Variants in TTPA observed in about 807,000 individuals in gnomAD.
TTPA encodes alpha tocopherol transfer protein.
In TTPA, 23 loss-of-function variants were observed where a neutral mutation model predicts 25.9. That is an observed-to-expected ratio of 0.89 (90% CI 0.64 to 1.26). The LOEUF is 1.26. TTPA is among the 50% of genes most tolerant of loss of function. The pLI is 0.00. For missense variants in TTPA, 337 were observed against 353.1 expected (o/e 0.95, Z 0.37); for synonymous variants, 148 against 137.3 (o/e 1.08, Z -0.54).
intron 1 of TTPA, among the ~76,000 whole-genome samples, chr8:63,077,388 G>C (rs545942914): frequency 6.6e-6 from 1 of 152,336 alleles, no homozygotes; most frequent in South Asian, 2.1e-4. Context: ...AAAGGGTTGG[G>C]GGATTTCCCT....
intron 2 of TTPA, among the ~76,000 whole-genome samples, chr8:63,069,628 C>G (rs370666205): frequency 6.6e-6 from 1 of 151,538 alleles, no homozygotes. Flanking sequence ...CCAGCTACTC[C>G]AAAAGCCGAA....
chr8:63,083,667 C>T (rs1239947493), intron 1 of TTPA, among the ~76,000 whole-genome samples: 1 of 151,074 alleles, frequency 6.6e-6, no homozygotes, highest in Non-Finnish European at 1.5e-5. Context: ...CAAAAACAGG[C>T]CATTTTCAGT....
At chr8:63,070,772 C>T (rs528682137) in intron 2 of TTPA, among the ~76,000 whole-genome samples, 1 of 152,278 alleles carries the variant, frequency 6.6e-6, no homozygotes, top group African/African-American at 2.4e-5. Context: ...TATGAACAAA[C>T]TAGACACAAT....
chr8:63,066,161 G>A, intron 2 of TTPA, 64 bp from the exon 3 acceptor site: 6 of 1,434,720 alleles, frequency 4.2e-6, no homozygotes, highest in Non-Finnish European at 5.8e-6. Flanking sequence ...TTTCCAAAGG[G>A]AGACTAATTC....
chr8:63,063,835 GTTTTCAGTC>G (rs1805345527), intron 4 of TTPA, among the ~76,000 whole-genome samples: 1 of 151,856 alleles, frequency 6.6e-6, no homozygotes, highest in East Asian at 1.9e-4. Flanking sequence ...ACACTTCCTG[GTTTTCAGTC>G]TTCTGCTGCT....
At chr8:63,063,075 T>C (rs1805334108) in intron 4 of TTPA, among the ~76,000 whole-genome samples, 1 of 152,230 alleles carries the variant, frequency 6.6e-6, no homozygotes, top group Non-Finnish European at 1.5e-5. Context: ...TATATTTTCT[T>C]AATATGAAAG....
At chr8:63,082,946 C>T (rs1049884737) in intron 1 of TTPA, among the ~76,000 whole-genome samples, 1 of 152,204 alleles carries the variant, frequency 6.6e-6, no homozygotes, top group South Asian at 2.1e-4. Context: ...GATACTATCT[C>T]ACGCCAGTTA....
downstream of TTPA, among the ~76,000 whole-genome samples, chr8:63,059,027 T>TG (rs1406911935): frequency 1.6e-3 from 157 of 100,010 alleles, 1 homozygote; most frequent in African/African-American, 5.6e-3. Context: ...CCAGTTTTTT[T>TG]TTTTTTTTTT....
intron 1 of TTPA, 40 bp from the exon 2 acceptor site, chr8:63,073,128 T>A: frequency 6.6e-7 from 1 of 1,508,280 alleles, no homozygotes; most frequent in Non-Finnish European, 9.1e-7. Context: ...ATGGCATACA[T>A]GGTAATGATT....
intron 3 of TTPA, 69 bp downstream of exon 3, chr8:63,065,835 C>A: frequency 9.2e-6 from 14 of 1,524,664 alleles, no homozygotes; most frequent in Non-Finnish European, 1.2e-5. Context: ...TTCTCTTTGT[C>A]TAACATATAA....
At chr8:63,064,614 G>A (rs191377107) in intron 3 of TTPA, among the ~76,000 whole-genome samples, 55 of 151,994 alleles carry the variant, frequency 3.6e-4, no homozygotes, top group East Asian at 2.3e-3. Flanking sequence ...TTCTTTTAAC[G>A]AACCAATGAG....
At chr8:63,079,421 C>G (rs1424802659) in intron 1 of TTPA, among the ~76,000 whole-genome samples, 1 of 151,704 alleles carries the variant, frequency 6.6e-6, no homozygotes, top group Non-Finnish European at 1.5e-5. Flanking sequence ...CATCAGATGT[C>G]TATAGCACAT....
chr8:63,075,145 C>T (rs975542892), intron 1 of TTPA, among the ~76,000 whole-genome samples: 2 of 152,120 alleles, frequency 1.3e-5, no homozygotes, highest in Admixed American at 6.5e-5. Flanking sequence ...AACAAACCAC[C>T]CTATGTCCAC....
chr8:63,061,657 A>C (rs1208743484), intron 4 of TTPA, among the ~76,000 whole-genome samples: 1 of 152,204 alleles, frequency 6.6e-6, no homozygotes, highest in African/African-American at 2.4e-5. Context: ...TAACTGCATA[A>C]AATTTATAAA....
intron 2 of TTPA, among the ~76,000 whole-genome samples, chr8:63,069,309 CAT>C (rs1474474488): frequency 3.9e-4 from 58 of 147,486 alleles, no homozygotes; most frequent in Non-Finnish European, 4.0e-4. Flanking sequence ...AAAAAAAGAA[CAT>C]ATGAAGTTTG....
intron 2 of TTPA, among the ~76,000 whole-genome samples, chr8:63,069,613 T>C (rs1805451191): frequency 6.6e-6 from 1 of 152,032 alleles, no homozygotes; most frequent in Non-Finnish European, 1.5e-5. Flanking sequence ...CACATGCCTC[T>C]AGTCCCAGCT....
chr8:63,065,507 A>G (rs1185690605), intron 3 of TTPA, among the ~76,000 whole-genome samples: 3 of 151,934 alleles, frequency 2.0e-5, no homozygotes, highest in African/African-American at 7.3e-5. Flanking sequence ...AAAGATGATG[A>G]CCACTTTAAA....
At chr8:63,058,755 C>T (rs537446656), downstream of TTPA, among the ~76,000 whole-genome samples, 1 of 152,014 alleles carries the variant, frequency 6.6e-6, no homozygotes, top group Admixed American at 6.5e-5. Context: ...AAATGTTATC[C>T]TTTATTTGGG....
At chr8:63,064,469 G>T (rs1805357491) in intron 3 of TTPA, among the ~76,000 whole-genome samples, 153 bp from the exon 4 acceptor site, 1 of 151,980 alleles carries the variant, frequency 6.6e-6, no homozygotes, top group Admixed American at 6.6e-5. Context: ...CAGCACAAAA[G>T]CCTGGCTTAC....
Sources: gnomAD v4.1 joint callset for allele counts (sites outside exome capture counted in the v4.1 genomes callset) on GRCh38, gnomAD v4.1.1 for gene constraint, MANE v1.5 for transcripts, NCBI Gene and HGNC (gene_info 2026-07-23, HGNC 2026-07-21) for gene names.